Variants in RNF152 observed in about 807,000 individuals in gnomAD.
RNF152 encodes the protein E3 ubiquitin-protein ligase RNF152.
In RNF152, 11 loss-of-function variants were observed where a neutral mutation model predicts 12.7. That is an observed-to-expected ratio of 0.86 (90% CI 0.54 to 1.43). RNF152 has a LOEUF of 1.43. Among genes scored for constraint, RNF152 ranks in the 40% most tolerant of loss-of-function variants. The probability of loss-of-function intolerance (pLI) is 0.00; values close to 1 mark genes in which losing one functional copy is unlikely to be tolerated. For synonymous variants in RNF152, 113 were observed against 120.3 expected (o/e 0.94, Z 0.40); for missense variants, 255 against 274.8 (o/e 0.93, Z 0.51).
intron 1 of RNF152, among the ~76,000 whole-genome samples, chr18:61,841,689 C>T (rs964724771): frequency 6.6e-6 from 1 of 152,170 alleles, no homozygotes; most frequent in Non-Finnish European, 1.5e-5. Context: ...CAGAATTGTG[C>T]GTATAATTTC....
chr18:61,815,695 C>T lies in RNF152; in HGVS notation c.*157G>A, dbSNP rs530882930. ...TATCTTGTTGAGACCGCACCTTCTG[C>T]CCTTTGTGTCTGTCTTGGGGTAATC... On this transcript the variant is annotated 3_prime_UTR_variant, in exon 2 of 2. Coordinates refer to ENST00000312828, the MANE Select transcript of RNF152 (RefSeq NM_173557.3). The T allele has an allele frequency of 4.2e-6, 3 of 716,376 alleles. No homozygotes were observed. Among genetic ancestry groups the T allele is most frequent in the East Asian group, 5.3e-5 (2 of 38,040 alleles). The allele number at this position is 716,376 out of a possible 1,614,324, so 44.4% of individuals were successfully genotyped here.
intron 1 of RNF152, among the ~76,000 whole-genome samples, chr18:61,861,011 A>T (rs1911452327): frequency 6.6e-6 from 1 of 152,280 alleles, no homozygotes; most frequent in Admixed American, 6.5e-5. Context: ...TTGTGATTTA[A>T]TCTAAGTGTT....
chr18:61,886,655 G>C (rs1338013335), intron 1 of RNF152, among the ~76,000 whole-genome samples: 2 of 152,240 alleles, frequency 1.3e-5, no homozygotes, highest in African/African-American at 2.4e-5. Context: ...TAACTGGAAG[G>C]GTCCCATTCA....
chr18:61,842,358 C>A (rs1910492825), intron 1 of RNF152, among the ~76,000 whole-genome samples: 1 of 152,202 alleles, frequency 6.6e-6, no homozygotes, highest in Non-Finnish European at 1.5e-5. Context: ...ACACACCAGA[C>A]ATAAAAGCAA....
intron 1 of RNF152, among the ~76,000 whole-genome samples, chr18:61,859,610 G>A (rs185981269): frequency 2.1e-3 from 321 of 152,284 alleles, no homozygotes; most frequent in Non-Finnish European, 3.5e-3. Flanking sequence ...CGGGCACGGT[G>A]GCTCATGCCT....
intron 1 of RNF152, among the ~76,000 whole-genome samples, chr18:61,874,596 T>C (rs778881685): frequency 5.9e-5 from 9 of 152,196 alleles, no homozygotes; most frequent in Non-Finnish European, 1.2e-4. Flanking sequence ...TGGCAGTACA[T>C]AGGCTGAGTG....
intron 1 of RNF152, among the ~76,000 whole-genome samples, chr18:61,886,584 C>T (rs1463211248): frequency 6.6e-6 from 1 of 152,186 alleles, no homozygotes; most frequent in Non-Finnish European, 1.5e-5. Context: ...AGCCACAGGC[C>T]CCCTTGGAAG....
chr18:61,852,743 A>T (rs1911044339), intron 1 of RNF152, among the ~76,000 whole-genome samples: 1 of 152,114 alleles, frequency 6.6e-6, no homozygotes, highest in South Asian at 2.1e-4. Context: ...GGACTTTTAA[A>T]AGCTCTCCAG....
rs1186936569 is a variant in RNF152, at chr18:61,818,881, T to C, written c.-135-2283A>G. Among the ~76,000 whole-genome samples, 2 of 152,226 alleles carry C rather than the reference T, an allele frequency of 1.3e-5. 1 individual carries two copies. The highest frequency in any genetic ancestry group is 4.8e-5 in the African/African-American group (2 of 41,458). On this transcript the variant is annotated intron_variant, in intron 1 of 1. Transcript: ENST00000312828. ...CTTGTCATTGCCCATAAGAAAGTCC[T>C]GGCCTAGAGATGGGAGCGCTAAGTA...
At chr18:61,817,621 A>G (rs1270255920) in intron 1 of RNF152, among the ~76,000 whole-genome samples, 7 of 152,112 alleles carry the variant, frequency 4.6e-5, no homozygotes, top group African/African-American at 9.7e-5. Context: ...TTTGGTATAC[A>G]TGGGGGTCCT....
chr18:61,849,473 C>A (rs1011355422), intron 1 of RNF152, among the ~76,000 whole-genome samples: 8 of 152,286 alleles, frequency 5.3e-5, no homozygotes, highest in Non-Finnish European at 1.0e-4. Context: ...GTCATTAGCA[C>A]CTCTTTCCCC....
intron 1 of RNF152, among the ~76,000 whole-genome samples, chr18:61,839,205 C>CACT: frequency 1.3e-5 from 2 of 152,264 alleles, no homozygotes; most frequent in South Asian, 4.1e-4. Context: ...TACTTTGGTA[C>CACT]ACTACCTCAG....
intron 1 of RNF152, among the ~76,000 whole-genome samples, chr18:61,856,979 G>A (rs1477314657): frequency 1.3e-5 from 2 of 152,294 alleles, no homozygotes; most frequent in East Asian, 1.9e-4. Context: ...TTTAGATACA[G>A]AGCTATTACC....
At chr18:61,859,644 C>A (rs546746827) in intron 1 of RNF152, among the ~76,000 whole-genome samples, 5 of 152,206 alleles carry the variant, frequency 3.3e-5, no homozygotes, top group African/African-American at 9.6e-5. Context: ...TTTGGGAGGC[C>A]GAGGCGGGCA....
chr18:61,808,935 C>T lies in RNF152; in HGVS notation c.*6917G>A, dbSNP rs561602975. 6.6e-6 allele frequency: 1 copy of T among 152,170 alleles called. No individual in the cohort carries two copies. The highest frequency in any genetic ancestry group is 2.1e-4 in the South Asian group (1 of 4,820). The allele number at this position is 152,170 out of a possible 1,614,324, so 9.4% of individuals were successfully genotyped here. A position where few individuals can be genotyped will look rare whatever the true frequency, so the allele number is the denominator to read the frequency against. ...TAGGGAAAATGGGGACTCCTTGGAC[C>T]CTCATGAGCTGAGCACATTACCCCA... On this transcript the variant is annotated 3_prime_UTR_variant, in exon 2 of 2. Transcript: ENST00000312828.
chr18:61,877,189 C>T (rs1195393813), intron 1 of RNF152, among the ~76,000 whole-genome samples: 2 of 152,200 alleles, frequency 1.3e-5, no homozygotes, highest in African/African-American at 2.4e-5. Context: ...CAAATGAAAC[C>T]ATTTGACTTA....
rs977877536 is a variant in RNF152, at chr18:61,812,459, T to C, written c.*3393A>G. On this transcript the variant is annotated 3_prime_UTR_variant, in exon 2 of 2. Transcript: ENST00000312828. ...AATTCTATTTTTAAAGAAAACATCTTAGAGCTTTCTGATCATTAAGTATGA... is the reference window on the plus strand; with the variant it reads ...AATTCTATTTTTAAAGAAAACATCTCAGAGCTTTCTGATCATTAAGTATGA... The C allele has an allele frequency of 8.5e-5, 13 of 152,198 alleles. No individual in the cohort carries two copies. The highest frequency in any genetic ancestry group is 2.1e-4 in the South Asian group (1 of 4,832). 9.4% of individuals were successfully genotyped at this position (152,198 alleles called of 1,614,324 possible).
At position 61,816,079 on chromosome 18, in the gene RNF152, A is replaced by G; in HGVS notation, c.385T>C (p.Ser129Pro). 1 of 1,614,166 alleles carries G rather than the reference A, an allele frequency of 6.2e-7. No individual in the cohort carries two copies. The highest frequency in any genetic ancestry group is 8.5e-7 in the Non-Finnish European group (1 of 1,180,022). ...CRLLPGSQQKSVTVVTIPAEQ... is the reference protein window; with the variant it reads ...CRLLPGSQQKPVTVVTIPAEQ... ...GCAGGGATGGTCACCACGGTGACGG[A>G]CTTCTGCTGGCTCCCGGGCAGCAGG... The change falls in exon 2 of 2, where the codon TCC becomes CCC. Residue 129 changes from serine (S) to proline (P), a missense_variant. Transcript: ENST00000312828.
chr18:61,846,046 C>T (rs1389992124), intron 1 of RNF152, among the ~76,000 whole-genome samples: 1 of 152,046 alleles, frequency 6.6e-6, no homozygotes, highest in Non-Finnish European at 1.5e-5. Context: ...CTTTATGAAC[C>T]AGAAAATGGG....
Sources: allele counts gnomAD v4.1 joint callset (sites outside exome capture counted in the v4.1 genomes callset), GRCh38; gene constraint gnomAD v4.1.1; transcripts MANE v1.5; gene names NCBI Gene and HGNC (gene_info 2026-07-23, HGNC 2026-07-21).